Variants in SFMBT2 observed in about 807,000 individuals in gnomAD.
SFMBT2 encodes Scm like with four mbt domains 2, also known as scm-like with four MBT domains protein 2.
Under a neutral mutation model 110.1 loss-of-function variants are expected in SFMBT2, and 38 were observed. The observed-to-expected ratio is 0.35, with a 90% CI of 0.27 to 0.45. SFMBT2 has a LOEUF of 0.45. Among genes scored for constraint, SFMBT2 ranks in the 20% least tolerant of loss-of-function variants. The pLI, the probability that SFMBT2 is intolerant of heterozygous loss-of-function variation, is 1.00. For missense variants in SFMBT2, 1,011 were observed against 1,094.9 expected, an observed-to-expected ratio of 0.92 and a Z score of 1.08; for synonymous variants, 425 against 425.4, an observed-to-expected ratio of 1.00 and a Z score of 0.01.
intron 3 of SFMBT2, among the ~76,000 whole-genome samples, chr10:7,368,092 CAA>C (rs1474361450): frequency 6.6e-6 from 1 of 152,028 alleles, no homozygotes; most frequent in Admixed American, 6.5e-5. Flanking sequence ...ACGTTAAGAA[CAA>C]AAAAGAATAA....
At chr10:7,194,043 A>G (rs1838691396) in intron 15 of SFMBT2, among the ~76,000 whole-genome samples, 1 of 151,750 alleles carries the variant, frequency 6.6e-6, no homozygotes, top group Non-Finnish European at 1.5e-5. Flanking sequence ...GTGCCTAACA[A>G]CTCCACCCTC....
rs2131496246 is a variant in SFMBT2 at position 7,160,452 on chromosome 10, CAG to C, written c.*3316_*3317del. 1 of 152,318 alleles carries C rather than the reference CAG, an allele frequency of 6.6e-6. No individual in the cohort carries two copies. The highest frequency in any genetic ancestry group is 2.4e-5 in the African/African-American group (1 of 41,546). The allele number at this position is 152,318 out of a possible 1,614,324, so 9.4% of individuals were successfully genotyped here. A position where few individuals can be genotyped will look rare whatever the true frequency, so the allele number is the denominator to read the frequency against. On this transcript the variant is annotated 3_prime_UTR_variant, in exon 21 of 21. Coordinates refer to ENST00000397167, the MANE Select transcript of SFMBT2 (RefSeq NM_001387889.1). ...CAGGGTTTTCAAACGGCGCAGACTG[CAG>C]AGTCTCCCGGGCCAGTTCCAATAAG... is the stretch of plus-strand genomic sequence containing the variant.
At chr10:7,315,164 T>C (rs1049059237) in intron 4 of SFMBT2, among the ~76,000 whole-genome samples, 1 of 152,020 alleles carries the variant, frequency 6.6e-6, no homozygotes, top group Non-Finnish European at 1.5e-5. Flanking sequence ...AACGTCACGA[T>C]CCCCTGTGAG....
intron 4 of SFMBT2, among the ~76,000 whole-genome samples, chr10:7,335,224 G>A (rs554465555): frequency 6.6e-6 from 1 of 152,274 alleles, no homozygotes; most frequent in African/African-American, 2.4e-5. Flanking sequence ...GGTGATGGCT[G>A]CACGACAACG....
At chr10:7,182,429 A>G (rs1334965656) in intron 16 of SFMBT2, among the ~76,000 whole-genome samples, 1 of 152,220 alleles carries the variant, frequency 6.6e-6, no homozygotes, top group Non-Finnish European at 1.5e-5. Context: ...CATACCAATG[A>G]CATAACTTTG....
At chr10:7,403,843 A>G (rs60825493) in intron 1 of SFMBT2, among the ~76,000 whole-genome samples, 17,761 of 152,076 alleles carry the variant, frequency 0.12, 1,338 homozygotes, top group African/African-American at 0.22. Context: ...GGATGACAAA[A>G]CTCTCCTAAA....
chr10:7,327,727 G>A (rs1843437840), intron 4 of SFMBT2, among the ~76,000 whole-genome samples: 1 of 151,344 alleles, frequency 6.6e-6, no homozygotes, highest in African/African-American at 2.4e-5. Flanking sequence ...CTAACAGCAT[G>A]CAACCTTTGA....
intron 9 of SFMBT2, among the ~76,000 whole-genome samples, chr10:7,231,227 T>C (rs549511467): frequency 3.3e-5 from 5 of 152,184 alleles, no homozygotes; most frequent in Non-Finnish European, 7.3e-5. Context: ...GTCTGGGGTT[T>C]TGGAAGACGG....
intron 16 of SFMBT2, among the ~76,000 whole-genome samples, chr10:7,184,425 C>T (rs774412676): frequency 2.0e-5 from 3 of 152,152 alleles, no homozygotes; most frequent in Non-Finnish European, 4.4e-5. Flanking sequence ...ATGTGCCTTT[C>T]ACCTTCCGCT....
At chr10:7,300,007 T>A (rs1842513010) in intron 4 of SFMBT2, among the ~76,000 whole-genome samples, 1 of 152,076 alleles carries the variant, frequency 6.6e-6, no homozygotes. Flanking sequence ...TAAGATCATA[T>A]CCTTTGCAGG....
intron 4 of SFMBT2, among the ~76,000 whole-genome samples, chr10:7,335,620 C>CA (rs781682609): frequency 6.6e-6 from 1 of 150,750 alleles, no homozygotes. Flanking sequence ...CACACACACA[C>CA]AACCATATAC....
chr10:7,387,704 G>A (rs967268365), intron 1 of SFMBT2, among the ~76,000 whole-genome samples: 2 of 151,636 alleles, frequency 1.3e-5, no homozygotes, highest in Non-Finnish European at 2.9e-5. Flanking sequence ...GCTGAAGCGG[G>A]CAGATCACTT....
intron 11 of SFMBT2, among the ~76,000 whole-genome samples, chr10:7,215,037 G>A (rs1307625152): frequency 6.6e-6 from 1 of 152,214 alleles, no homozygotes; most frequent in Non-Finnish European, 1.5e-5. Context: ...ACTCAGCACT[G>A]GGGAAGAGAG....
chr10:7,255,169 C>T (rs1840956560), intron 7 of SFMBT2, among the ~76,000 whole-genome samples: 2 of 152,148 alleles, frequency 1.3e-5, no homozygotes, highest in African/African-American at 4.8e-5. Context: ...CACAAACACC[C>T]AACTCATCAT....
intron 6 of SFMBT2, 145 bp from the exon 7 acceptor site, chr10:7,277,134 C>T (rs1221048891): frequency 3.4e-6 from 2 of 588,300 alleles, no homozygotes; most frequent in Non-Finnish European, 3.0e-6. Context: ...CCACCATGAG[C>T]AGCCACCTGC....
At chr10:7,277,015 A>G (rs766982390) in intron 6 of SFMBT2, 26 bp from the exon 7 acceptor site, 2 of 855,550 alleles carry the variant, frequency 2.3e-6, no homozygotes, top group Non-Finnish European at 2.1e-6. Flanking sequence ...ATCACAGAAG[A>G]GTTGAAGGAC....
chr10:7,254,290 C>T (rs927327107), intron 7 of SFMBT2, among the ~76,000 whole-genome samples: 15 of 152,008 alleles, frequency 9.9e-5, no homozygotes, highest in South Asian at 2.1e-4. Flanking sequence ...ACTGAGGCAC[C>T]GCACAGGAGA....
intron 4 of SFMBT2, among the ~76,000 whole-genome samples, chr10:7,295,557 G>A (rs1842383996): frequency 6.6e-6 from 1 of 152,234 alleles, no homozygotes; most frequent in South Asian, 2.1e-4. Context: ...AATATTCATT[G>A]CACAGACCTT....
chr10:7,384,815 T>C (rs1845543706), intron 1 of SFMBT2, among the ~76,000 whole-genome samples: 1 of 152,194 alleles, frequency 6.6e-6, no homozygotes, highest in African/African-American at 2.4e-5. Flanking sequence ...ATTCCTGTGA[T>C]GACAGGGGCA....
Sources: allele counts gnomAD v4.1 joint callset (sites outside exome capture counted in the v4.1 genomes callset), GRCh38; gene constraint gnomAD v4.1.1; transcripts MANE v1.5; gene names NCBI Gene and HGNC (gene_info 2026-07-23, HGNC 2026-07-21).